HADHB: variants seen among roughly 807,000 people sequenced by gnomAD.
HADHB encodes trifunctional enzyme subunit beta, mitochondrial.
A neutral mutation model predicts 61.9 loss-of-function variants in HADHB; 50 were observed. The observed-to-expected ratio is 0.81, with a 90% CI of 0.64 to 1.02. The LOEUF (loss-of-function observed/expected upper bound fraction) is 1.02. HADHB is among the 50% of genes least tolerant of loss of function. HADHB has a pLI of 0.00. For missense variants in HADHB, 504 were observed against 586.5 expected (o/e 0.86, Z 1.45); for synonymous variants, 191 against 201.6 (o/e 0.95, Z 0.45).
rs192693765 is a variant in HADHB at position 26,285,268 on chromosome 2, C to G, written c.1225-139C>G. ...TTTAATATTGACCTAGACTTACTTT[C>G]TTTTGCAGTAAAATTATTTGTAATA... On this transcript the variant is annotated intron_variant, in intron 14 of 15. Transcript: ENST00000317799. The G allele has an allele frequency of 3.4e-5, 25 of 727,074 alleles. No homozygotes were observed. The African/African-American group carries it at 3.9e-4, about 11-fold the overall frequency. The allele number at this position is 727,074 out of a possible 1,614,324, so 45.0% of individuals were successfully genotyped here.
chr2:26,260,728 T>C (rs1671827457), intron 3 of HADHB: 1 of 415,820 alleles, frequency 2.4e-6, no homozygotes, highest in Non-Finnish European at 4.4e-6. Context: ...TTGTGTGTAC[T>C]ACAGCTGGAA....
chr2:26,282,770 A>G, intron 10 of HADHB, 75 bp from the exon 11 acceptor site: 1 of 943,736 alleles, frequency 1.1e-6, no homozygotes, highest in Non-Finnish European at 1.7e-6. Flanking sequence ...ATTCAGGTAC[A>G]GATATATAAG....
intron 3 of HADHB, among the ~76,000 whole-genome samples, chr2:26,256,701 T>TCTAATATTTG (rs1409088024): frequency 6.6e-6 from 1 of 152,206 alleles, no homozygotes; most frequent in East Asian, 1.9e-4. Context: ...CTAGTTCAGC[T>TCTAATATTTG]CTAATATTTG....
intron 1 of HADHB, among the ~76,000 whole-genome samples, chr2:26,246,882 G>GCAAA (rs920072511): frequency 6.6e-6 from 1 of 152,192 alleles, no homozygotes; most frequent in African/African-American, 2.4e-5. Flanking sequence ...ACTGGTAATA[G>GCAAA]CAAACACAGG....
At chr2:26,267,030 C>G (rs2147813563) in intron 4 of HADHB, among the ~76,000 whole-genome samples, 1 of 152,034 alleles carries the variant, frequency 6.6e-6, no homozygotes, top group South Asian at 2.1e-4. Flanking sequence ...CATGGTTCTC[C>G]TGTGATTCTG....
At position 26,285,674 on chromosome 2, in the gene HADHB, G is replaced by A. The variant is rs546979868; in HGVS notation, c.1389+103G>A. Reference sequence around the variant, plus strand: ...ACCTTCTTAAAGCAATATTTTTGATGACCTGGGGGTGGGGAGTGGGGAGGG... The same window carrying A: ...ACCTTCTTAAAGCAATATTTTTGATAACCTGGGGGTGGGGAGTGGGGAGGG... On this transcript the variant is annotated intron_variant, in intron 15 of 15. Coordinates refer to ENST00000317799, the MANE Select transcript of HADHB (RefSeq NM_000183.3). 1.2e-4 allele frequency: 93 copies of A among 767,194 alleles called. No homozygotes were observed. The African/African-American group carries it at 1.5e-3, about 12-fold the overall frequency. 47.5% of individuals were successfully genotyped at this position (767,194 alleles called of 1,614,324 possible).
At chr2:26,261,789 A>T (rs551785779) in intron 3 of HADHB, among the ~76,000 whole-genome samples, 1 of 152,060 alleles carries the variant, frequency 6.6e-6, no homozygotes, top group Admixed American at 6.6e-5. Flanking sequence ...AAAAAAAATT[A>T]AGTCCCCTTT....
rs1019061238 is a variant in HADHB at position 26,278,932 on chromosome 2, GA to G, written c.630+139del. On this transcript the variant is annotated intron_variant, in intron 8 of 15. Transcript: ENST00000317799. Reference sequence around the variant, plus strand: ...AAGGGTTAATTACTTGCTCAAGATGGAAAAAAAAGATAGTGGTTAGAAAACT... The same window carrying G: ...AAGGGTTAATTACTTGCTCAAGATGGAAAAAAAGATAGTGGTTAGAAAACT... The G allele has an allele frequency of 1.5e-4, 146 of 976,068 alleles. No homozygotes were observed. In the African/African-American group the frequency reaches 1.8e-3, roughly 12 times the overall value. The allele number at this position is 976,068 out of a possible 1,614,324, so 60.5% of individuals were successfully genotyped here. A position where few individuals can be genotyped will look rare whatever the true frequency, so the allele number is the denominator to read the frequency against.
At chr2:26,278,406 A>G (rs1672644736) in intron 7 of HADHB, among the ~76,000 whole-genome samples, 1 of 152,238 alleles carries the variant, frequency 6.6e-6, no homozygotes, top group African/African-American at 2.4e-5. Flanking sequence ...TATGGCAGGA[A>G]TGAAACTTGT....
chr2:26,282,640 T>G (rs1465091363), intron 10 of HADHB, among the ~76,000 whole-genome samples: 1 of 152,366 alleles, frequency 6.6e-6, no homozygotes, highest in East Asian at 1.9e-4. Flanking sequence ...AACAGCCTTC[T>G]CTACCCTCAT....
Position 26,282,827 on chromosome 2 carries a change from T to C in HADHB, c.934-18T>C. 6.3e-7 allele frequency: 1 copy of C among 1,585,864 alleles called. No homozygotes were observed. The highest frequency in any genetic ancestry group is 8.7e-7 in the Non-Finnish European group (1 of 1,155,624). ...GACAGGCTGAAGAATTTTAACATTGTGCTGGTTAACATTTCAGACTGATGG... is the reference window on the plus strand; with the variant it reads ...GACAGGCTGAAGAATTTTAACATTGCGCTGGTTAACATTTCAGACTGATGG... On this transcript the variant is annotated intron_variant, in intron 10 of 15. Coordinates refer to ENST00000317799, the MANE Select transcript of HADHB (RefSeq NM_000183.3).
chr2:26,254,238 T>G lies in HADHB; in HGVS notation c.-8-9T>G, dbSNP rs374507576. 1.7e-6 allele frequency: 2 copies of G among 1,171,652 alleles called. No individual in the cohort carries two copies. The highest frequency in any genetic ancestry group is 2.5e-6 in the Non-Finnish European group (2 of 803,358). 72.6% of individuals were successfully genotyped at this position (1,171,652 alleles called of 1,614,324 possible). A position where few individuals can be genotyped will look rare whatever the true frequency, so the allele number is the denominator to read the frequency against. ...AATCCAGGATATACTTTTGTTCTTC[T>G]CTTTTTAGATTCCAGAATGACTATC... On this transcript the variant is annotated splice_polypyrimidine_tract_variant and intron_variant, in intron 1 of 15. Coordinates refer to ENST00000317799, the MANE Select transcript of HADHB (RefSeq NM_000183.3).
intron 2 of HADHB, 24 bp from the exon 3 acceptor site, chr2:26,254,406 T>TA: frequency 3.1e-6 from 5 of 1,590,220 alleles, no homozygotes; most frequent in Non-Finnish European, 4.3e-6. Context: ...TTGCTTTTTG[T>TA]AAACAGTTTA....
chr2:26,276,443 A>G (rs1235423064), intron 6 of HADHB, among the ~76,000 whole-genome samples: 2 of 152,174 alleles, frequency 1.3e-5, no homozygotes, highest in Non-Finnish European at 2.9e-5. Flanking sequence ...TTTCCAGTTC[A>G]TCTTTGCATT....
intron 5 of HADHB, among the ~76,000 whole-genome samples, chr2:26,272,569 G>A (rs908465222): frequency 1.4e-4 from 21 of 151,276 alleles, no homozygotes; most frequent in African/African-American, 4.8e-4. Flanking sequence ...GGCTGGTCTC[G>A]AACTCCTGTC....
At chr2:26,254,663 G>C (rs1004760063) in intron 3 of HADHB, 189 bp downstream of exon 3, 2 of 554,690 alleles carry the variant, frequency 3.6e-6, no homozygotes, top group Non-Finnish European at 6.4e-6. Flanking sequence ...CATTATTTAG[G>C]ATTAGGCTTG....
intron 3 of HADHB, chr2:26,261,019 A>G (rs1671837285): frequency 2.0e-6 from 3 of 1,525,416 alleles, no homozygotes; most frequent in South Asian, 2.4e-5. Flanking sequence ...ACTTGTAGGT[A>G]GATGACACTG....
chr2:26,257,356 G>A (rs376986320), intron 3 of HADHB, among the ~76,000 whole-genome samples: 3 of 151,698 alleles, frequency 2.0e-5, no homozygotes, highest in Non-Finnish European at 2.9e-5. Context: ...TCCTGACCTC[G>A]TGATCTGCCC....
rs754052714 is a variant in HADHB, at chr2:26,269,946, T to A, written c.210-7T>A. Reference sequence around the variant, plus strand: ...TTTGGTTTAAATTACTGGTTTTCGTTCCCCAGATATAAAGACCTGATGCCA... The same window carrying A: ...TTTGGTTTAAATTACTGGTTTTCGTACCCCAGATATAAAGACCTGATGCCA... On this transcript the variant is annotated splice_polypyrimidine_tract_variant and splice_region_variant and intron_variant, in intron 4 of 15. Coordinates refer to ENST00000317799, the MANE Select transcript of HADHB (RefSeq NM_000183.3). The A allele has an allele frequency of 4.4e-6, 7 of 1,600,264 alleles. No homozygotes were observed. Among genetic ancestry groups the A allele is most frequent in the Non-Finnish European group, 6.0e-6 (7 of 1,167,406 alleles).
Sources: gnomAD v4.1 joint callset for allele counts (sites outside exome capture counted in the v4.1 genomes callset) on GRCh38, gnomAD v4.1.1 for gene constraint, MANE v1.5 for transcripts, NCBI Gene and HGNC (gene_info 2026-07-23, HGNC 2026-07-21) for gene names.